FAXDC2: variants seen among roughly 807,000 people sequenced by gnomAD.
FAXDC2 encodes fatty acid hydroxylase domain containing 2.
A neutral mutation model predicts 40.9 loss-of-function variants in FAXDC2; 41 were observed. The observed-to-expected ratio is 1.00, with a 90% CI of 0.78 to 1.30. The LOEUF (loss-of-function observed/expected upper bound fraction) is 1.30, where lower values mean the gene tolerates loss of function less well. Ranked by LOEUF, FAXDC2 falls within the 50% of genes most tolerant of loss-of-function variation. The probability of loss-of-function intolerance (pLI) is 0.00; values close to 1 mark genes in which losing one functional copy is unlikely to be tolerated. For synonymous variants in FAXDC2, 157 were observed against 149.3 expected (o/e 1.05, Z -0.38); for missense variants, 390 against 408.8 (o/e 0.95, Z 0.40).
intron 2 of FAXDC2, among the ~76,000 whole-genome samples, chr5:154,836,620 T>C (rs1348545065): frequency 6.6e-6 from 1 of 152,084 alleles, no homozygotes. Flanking sequence ...AGAGGGGATG[T>C]TGGAGGAGCT....
intron 2 of FAXDC2, 21 bp downstream of exon 2, chr5:154,838,110 G>A (rs756946106): frequency 6.5e-7 from 1 of 1,544,000 alleles, no homozygotes; most frequent in East Asian, 2.2e-5. Flanking sequence ...ACCAGTTTGG[G>A]GGCAAGGTGC....
Position 154,822,526 on chromosome 5 carries a change from C to G in FAXDC2, c.624G>C (p.Glu208Asp). ...FYKKIHKKHHEWTAPIGVISL... is the reference protein window; with the variant it reads ...FYKKIHKKHHDWTAPIGVISL... Reference sequence around the variant, plus strand: ...AGATCACGCCAATGGGAGCTGTCCACTCATGGTGTTTCTTGTGGATTTTCT... The same window carrying G: ...AGATCACGCCAATGGGAGCTGTCCAGTCATGGTGTTTCTTGTGGATTTTCT... The change falls in exon 7 of 9, where the codon GAG (glutamate) becomes GAC (aspartate). Residue 208 changes from glutamate (E) to aspartate (D), a missense_variant. By Grantham distance (45) the Glu-to-Asp change is conservative. Coordinates refer to ENST00000326080, the MANE Select transcript of FAXDC2 (RefSeq NM_032385.5). The G allele has an allele frequency of 1.2e-6, 2 of 1,614,184 alleles. No individual in the cohort carries two copies. Among genetic ancestry groups the G allele is most frequent in the East Asian group, 4.5e-5 (2 of 44,888 alleles).
At chr5:154,821,114 C>G in intron 8 of FAXDC2, 146 bp downstream of exon 8, 1 of 711,068 alleles carries the variant, frequency 1.4e-6, no homozygotes, top group Non-Finnish European at 2.4e-6. Context: ...AAGGTCATCC[C>G]AGTGTGGTTA....
At position 154,848,937 on chromosome 5, in the gene FAXDC2, A is replaced by G. The variant is rs562257282; in HGVS notation, c.-1+1546T>C. Among the ~76,000 whole-genome samples the G allele has an allele frequency of 7.2e-5, 11 of 152,142 alleles. No individual in the cohort carries two copies. The South Asian group carries it at 2.3e-3, about 32-fold the overall frequency. ...AGCCAAGATCATGCCACTGCACTCC[A>G]GCCTGGGCGCCAGAGCAAGAGTCTG... On this transcript the variant is annotated intron_variant, in intron 1 of 8. Coordinates refer to ENST00000326080, the MANE Select transcript of FAXDC2 (RefSeq NM_032385.5).
chr5:154,827,305 C>CAA (rs1324808409), intron 5 of FAXDC2, among the ~76,000 whole-genome samples: 44 of 86,738 alleles, frequency 5.1e-4, no homozygotes, highest in South Asian at 7.7e-4. Flanking sequence ...GAGACTGTCT[C>CAA]AAAAAAAAAA....
intron 1 of FAXDC2, among the ~76,000 whole-genome samples, chr5:154,842,224 G>A (rs1312967026): frequency 6.6e-6 from 1 of 151,770 alleles, no homozygotes; most frequent in Admixed American, 6.6e-5. Context: ...TTGAGATGGA[G>A]TCTCACTCTG....
intron 1 of FAXDC2, chr5:154,838,669 G>A (rs910400429): frequency 5.9e-6 from 1 of 169,154 alleles, no homozygotes; most frequent in East Asian, 1.9e-4. Context: ...CACAATCTTG[G>A]CTCACTGCAA....
Position 154,820,445 on chromosome 5 carries a change from A to C in FAXDC2, c.873T>G (p.Gly291=), listed in dbSNP as rs61743608. The C allele has an allele frequency of 4.3e-6, 7 of 1,612,888 alleles. No homozygotes were observed. Among genetic ancestry groups the C allele is most frequent in the Non-Finnish European group, 5.1e-6 (6 of 1,179,576 alleles). Residue 291 remains glycine (G), a synonymous_variant, in exon 9 of 9, where the codon GGT becomes GGG. Transcript: ENST00000326080. ...LKFNQCYGVL[G]VLDHLHGTDT... The stretch of plus-strand genomic sequence containing the variant: ...CAGTCCCATGGAGGTGGTCCAGCAC[A>C]CCCAGCACCCCATAGCACTGGTTGA...
chr5:154,825,300 G>A (rs1166960671), intron 5 of FAXDC2, among the ~76,000 whole-genome samples: 3 of 148,748 alleles, frequency 2.0e-5, no homozygotes, highest in Non-Finnish European at 4.5e-5. Flanking sequence ...GGAGGCGGAG[G>A]TTGTAGTGAG....
intron 1 of FAXDC2, among the ~76,000 whole-genome samples, chr5:154,843,601 A>G (rs1342038566): frequency 1.3e-5 from 2 of 152,216 alleles, no homozygotes; most frequent in African/African-American, 2.4e-5. Context: ...TCTTGGATAC[A>G]TGGTCTCCAA....
rs1759828218 is a variant in FAXDC2, at chr5:154,819,727, G to A, written c.*589C>T. On this transcript the variant is annotated 3_prime_UTR_variant, in exon 9 of 9. Transcript: ENST00000326080. ...ACGGGGCCTTTACCACTCACTCAGA[G>A]TGTTTGGTGTGTGTATGTTTGTGTG... 6.5e-6 allele frequency: 1 copy of A among 152,778 alleles called. No homozygotes were observed. The highest frequency in any genetic ancestry group is 2.1e-4 in the South Asian group (1 of 4,826). The allele number at this position is 152,778 out of a possible 1,614,324, so 9.5% of individuals were successfully genotyped here. A position where few individuals can be genotyped will look rare whatever the true frequency, so the allele number is the denominator to read the frequency against.
intron 5 of FAXDC2, among the ~76,000 whole-genome samples, chr5:154,825,441 GAGGTC>G (rs1401749112): frequency 6.6e-6 from 1 of 151,358 alleles, no homozygotes; most frequent in Non-Finnish European, 1.5e-5. Context: ...GGCAGATCAC[GAGGTC>G]AGGAGTTTGA....
At chr5:154,847,828 G>A (rs1489176285) in intron 1 of FAXDC2, among the ~76,000 whole-genome samples, 3 of 146,212 alleles carry the variant, frequency 2.1e-5, no homozygotes, top group Non-Finnish European at 4.5e-5. Context: ...TGGATATTCT[G>A]CATGATTGAT....
chr5:154,834,946 C>T lies in FAXDC2; in HGVS notation c.49-12G>A. 1 of 1,548,942 alleles carries T rather than the reference C, an allele frequency of 6.5e-7. No homozygotes were observed. The highest frequency in any genetic ancestry group is 1.2e-5 in the South Asian group (1 of 86,526). ...CAGATGTGTCCCTCCTGGAGGAGGG[C>T]AGGGAAGTGTCAGACCCCAGCAAGC... is the stretch of plus-strand genomic sequence containing the variant. On this transcript the variant is annotated splice_polypyrimidine_tract_variant and intron_variant, in intron 2 of 8. Transcript: ENST00000326080.
chr5:154,849,890 C>A (rs1054444977), intron 1 of FAXDC2, among the ~76,000 whole-genome samples: 2 of 152,210 alleles, frequency 1.3e-5, no homozygotes, highest in African/African-American at 2.4e-5. Context: ...TAGGTACTAT[C>A]AAGCCACTAA....
Position 154,830,888 on chromosome 5 carries a change from G to A in FAXDC2, c.279C>T (p.Ser93=). The A allele has an allele frequency of 1.9e-6, 3 of 1,614,138 alleles. No individual in the cohort carries two copies. Among genetic ancestry groups the A allele is most frequent in the South Asian group, 2.2e-5 (2 of 91,078 alleles). ...AIQVPCLFFW[S]FNGLLLVVDT... ...CAACCACCAATAGAAGCCCATTGAA[G>A]CTCCAGAAGAAGAGACAAGGCACTT... The change falls in exon 5 of 9, where the codon AGC becomes AGT. Residue 93 remains serine, a synonymous_variant. Coordinates refer to ENST00000326080, the MANE Select transcript of FAXDC2 (RefSeq NM_032385.5).
At position 154,834,881 on chromosome 5, in the gene FAXDC2, T is replaced by A; in HGVS notation, c.102A>T (p.Gly34=). The A allele has an allele frequency of 1.2e-6, 2 of 1,610,160 alleles. No homozygotes were observed. The highest frequency in any genetic ancestry group is 2.2e-5 in the East Asian group (1 of 44,804). The change falls in exon 3 of 9, where the codon GGA becomes GGT. Residue 34 remains glycine, a synonymous_variant. Coordinates refer to ENST00000326080, the MANE Select transcript of FAXDC2 (RefSeq NM_032385.5). The part of the protein sequence containing the change: ...MRRTAFILGS[G]LLSFVAFWNS... ...TCCAGAAGGCCACAAATGAGAGAAGTCCAGAGCCCAGGATGAAAGCTGTCC... is the reference window on the plus strand; with the variant it reads ...TCCAGAAGGCCACAAATGAGAGAAGACCAGAGCCCAGGATGAAAGCTGTCC...
At chr5:154,848,240 GA>G (rs1180806573) in intron 1 of FAXDC2, among the ~76,000 whole-genome samples, 1 of 152,282 alleles carries the variant, frequency 6.6e-6, no homozygotes, top group Non-Finnish European at 1.5e-5. Context: ...TTTACTCTTA[GA>G]GGGGGGAGAA....
At chr5:154,825,490 C>G (rs1428230301) in intron 5 of FAXDC2, among the ~76,000 whole-genome samples, 1 of 150,902 alleles carries the variant, frequency 6.6e-6, no homozygotes, top group Non-Finnish European at 1.5e-5. Flanking sequence ...AACCCTGTCT[C>G]TACTAAAAAT....
Sources: gnomAD v4.1 joint callset for allele counts (sites outside exome capture counted in the v4.1 genomes callset) on GRCh38, gnomAD v4.1.1 for gene constraint, MANE v1.5 for transcripts, NCBI Gene and HGNC (gene_info 2026-07-23, HGNC 2026-07-21) for gene names.